The following LRP1B variants were observed in gnomAD, a reference collection of about 807,000 sequenced individuals.
The protein encoded by LRP1B is low-density lipoprotein receptor-related protein 1B.
A neutral mutation model predicts 556.6 loss-of-function variants in LRP1B; 217 were observed. That is an observed-to-expected ratio of 0.39 (90% CI 0.35 to 0.44). The LOEUF is 0.44. LRP1B is among the 20% of genes least tolerant of loss of function. The pLI is 1.00. For synonymous variants in LRP1B, 2,047 were observed against 1,865.8 expected, an observed-to-expected ratio of 1.10 and a Z score of -2.50; for missense variants, 5,053 against 5,620.8, an observed-to-expected ratio of 0.90 and a Z score of 3.23.
At chr2:140,317,983 C>T (rs1397982496) in intron 82 of LRP1B, among the ~76,000 whole-genome samples, 3 of 150,498 alleles carry the variant, frequency 2.0e-5, no homozygotes, top group Non-Finnish European at 4.4e-5. Flanking sequence ...AAGCCAACCT[C>T]CAGCAATTAT....
intron 1 of LRP1B, among the ~76,000 whole-genome samples, chr2:142,093,844 T>G (rs1348400486): frequency 6.6e-6 from 1 of 152,114 alleles, no homozygotes; most frequent in African/African-American, 2.4e-5. Context: ...CAAGAAGATA[T>G]GGTGCAGGCA....
intron 75 of LRP1B, among the ~76,000 whole-genome samples, chr2:140,353,707 C>T (rs1682078563): frequency 6.6e-6 from 1 of 152,080 alleles, no homozygotes; most frequent in Non-Finnish European, 1.5e-5. Flanking sequence ...TTCTCTCTTA[C>T]ACTGTTGCTT....
intron 20 of LRP1B, among the ~76,000 whole-genome samples, chr2:140,933,954 G>T (rs1197168841): frequency 5.1e-5 from 5 of 98,034 alleles, no homozygotes; most frequent in Non-Finnish European, 1.3e-4. Flanking sequence ...GCGTTATTTT[G>T]TCTTGGAAAA....
Position 140,495,614 on chromosome 2 carries a change from A to T in LRP1B, c.8985T>A (p.Asp2995Glu), listed in dbSNP as rs1288618726. 6.2e-7 allele frequency: 1 copy of T among 1,612,244 alleles called. No individual in the cohort carries two copies. Among genetic ancestry groups the T allele is most frequent in the African/African-American group, 1.3e-5 (1 of 74,918 alleles). ...TYGTYKCLCT[D>E]GYEIQPDNPN... ...GGTTATCAGGTTGTATTTCATACCC[A>T]TCTGTACAGAGGCACTTGTAAGTCC... Residue 2995 changes from aspartate to glutamate, a missense_variant, in exon 56 of 91, where the codon GAT becomes GAA. Physicochemically the swap from Asp to Glu is conservative, Grantham distance 45. Transcript: ENST00000389484.
intron 2 of LRP1B, among the ~76,000 whole-genome samples, chr2:141,750,570 A>C (rs954790370): frequency 6.6e-6 from 1 of 152,200 alleles, no homozygotes; most frequent in Non-Finnish European, 1.5e-5. Flanking sequence ...ACACCTCAAA[A>C]GAAAAAACAA....
intron 21 of LRP1B, among the ~76,000 whole-genome samples, chr2:140,910,339 G>T (rs1370180546): frequency 6.6e-6 from 1 of 151,716 alleles, no homozygotes; most frequent in Non-Finnish European, 1.5e-5. Flanking sequence ...CACCTCATTT[G>T]CCAATCTGGA....
chr2:140,337,379 C>A (rs1681154618), intron 77 of LRP1B, among the ~76,000 whole-genome samples: 1 of 151,892 alleles, frequency 6.6e-6, no homozygotes, highest in South Asian at 2.1e-4. Context: ...ATACAGTATA[C>A]TCTAGAAATG....
intron 3 of LRP1B, among the ~76,000 whole-genome samples, chr2:141,355,304 T>C (rs1411711621): frequency 6.6e-6 from 1 of 152,096 alleles, no homozygotes; most frequent in African/African-American, 2.4e-5. Context: ...AATATTTTCA[T>C]TGAGAAATAA....
chr2:141,596,493 C>T lies in LRP1B; in HGVS notation c.206-115960G>A, dbSNP rs538591507. Among the ~76,000 whole-genome samples, 3 of 152,090 alleles carry T rather than the reference C, an allele frequency of 2.0e-5. No individual in the cohort carries two copies. The East Asian group carries it at 5.8e-4, about 29-fold the overall frequency. Reference sequence around the variant, plus strand: ...GTAGGTATGCGTTAATAATAGCCTTCTTTTTCTATTAGGTAACACACATAA... The same window carrying T: ...GTAGGTATGCGTTAATAATAGCCTTTTTTTTCTATTAGGTAACACACATAA... On this transcript the variant is annotated intron_variant, in intron 2 of 90. Coordinates refer to ENST00000389484, the MANE Select transcript of LRP1B (RefSeq NM_018557.3).
chr2:141,111,149 T>C lies in LRP1B; in HGVS notation c.1014-48876A>G, dbSNP rs567815921. ...AAGAGACTGTATTGTTTGACCATAA[T>C]GCAATAAAAATAAAATAAAAATATC... On this transcript the variant is annotated intron_variant, in intron 7 of 90. Coordinates refer to ENST00000389484, the MANE Select transcript of LRP1B (RefSeq NM_018557.3). Among the ~76,000 whole-genome samples the C allele has an allele frequency of 5.9e-4, 90 of 151,602 alleles. 1 individual carries two copies. In the South Asian group the frequency reaches 0.016, roughly 27 times the overall value.
intron 1 of LRP1B, among the ~76,000 whole-genome samples, chr2:142,058,100 C>G (rs1025927981): frequency 6.6e-6 from 1 of 152,134 alleles, no homozygotes; most frequent in Non-Finnish European, 1.5e-5. Flanking sequence ...TGCACTACTA[C>G]GTCCCACTGT....
chr2:141,555,500 C>CA (rs1685928057), intron 2 of LRP1B, among the ~76,000 whole-genome samples: 2 of 151,858 alleles, frequency 1.3e-5, no homozygotes, highest in Non-Finnish European at 2.9e-5. Flanking sequence ...AGCAGGCATG[C>CA]AATCAATCTC....
intron 1 of LRP1B, among the ~76,000 whole-genome samples, chr2:142,086,817 T>A (rs1055807836): frequency 6.6e-6 from 1 of 152,184 alleles, no homozygotes; most frequent in African/African-American, 2.4e-5. Context: ...TAGATAGTAG[T>A]TGAAAAGACT....
intron 2 of LRP1B, among the ~76,000 whole-genome samples, chr2:141,673,393 G>A (rs911107883): frequency 2.0e-5 from 3 of 152,158 alleles, no homozygotes; most frequent in African/African-American, 7.2e-5. Flanking sequence ...TACTCTACAA[G>A]AAAAATCTTC....
intron 66 of LRP1B, among the ~76,000 whole-genome samples, chr2:140,425,783 G>T (rs564870925): frequency 6.6e-6 from 1 of 152,208 alleles, no homozygotes; most frequent in East Asian, 1.9e-4. Flanking sequence ...GTATAAAATA[G>T]GAATAATAAC....
chr2:141,173,925 A>G (rs1680619492), intron 7 of LRP1B, among the ~76,000 whole-genome samples: 1 of 152,006 alleles, frequency 6.6e-6, no homozygotes, highest in Non-Finnish European at 1.5e-5. Context: ...AATATACTAT[A>G]TTATACTATG....
At chr2:141,871,155 C>G (rs561313475) in intron 1 of LRP1B, among the ~76,000 whole-genome samples, 20 of 152,080 alleles carry the variant, frequency 1.3e-4, no homozygotes, top group African/African-American at 3.9e-4. Context: ...TTGACATTCA[C>G]CAATCCCTCA....
At chr2:140,263,139 G>A (rs563525551) in intron 86 of LRP1B, among the ~76,000 whole-genome samples, 2 of 152,102 alleles carry the variant, frequency 1.3e-5, no homozygotes, top group South Asian at 2.1e-4. Context: ...GGCTGGGCCC[G>A]AACTCCTGAG....
At chr2:142,053,874 T>C (rs1017677300) in intron 1 of LRP1B, among the ~76,000 whole-genome samples, 1 of 152,176 alleles carries the variant, frequency 6.6e-6, no homozygotes, top group Admixed American at 6.6e-5. Context: ...CAATTACAAA[T>C]GCTGCAATTA....
Sources: gnomAD v4.1 joint callset for allele counts (sites outside exome capture counted in the v4.1 genomes callset) on GRCh38, gnomAD v4.1.1 for gene constraint, MANE v1.5 for transcripts, NCBI Gene and HGNC (gene_info 2026-07-23, HGNC 2026-07-21) for gene names.